PPP2R3B: variants seen among roughly 807,000 people sequenced by gnomAD.
PPP2R3B encodes the protein protein phosphatase 2 regulatory subunit B''beta.
PPP2R3B carries 68 observed loss-of-function variants against 72.9 expected under a neutral mutation model. That is an observed-to-expected ratio of 0.93 (90% CI 0.77 to 1.14). The LOEUF is 1.14. Among genes scored for constraint, PPP2R3B ranks in the 50% most tolerant of loss-of-function variants. The probability of loss-of-function intolerance (pLI) is 0.00; values close to 1 mark genes in which losing one functional copy is unlikely to be tolerated. For synonymous variants in PPP2R3B, 466 were observed against 375.8 expected (o/e 1.24, Z -2.78); for missense variants, 1,018 against 842.0 (o/e 1.21, Z -2.59).
chrX:377,955 G>A (rs1279708792), intron 1 of PPP2R3B, among the ~76,000 whole-genome samples: 1 of 132,526 alleles, frequency 7.5e-6, no homozygotes, highest in Non-Finnish European at 1.6e-5. Flanking sequence ...ACTACTGTAT[G>A]CAGGGACGGG....
At chrX:363,462 TCCCACAATGCATCTCCCC>T (rs1353915338) in intron 1 of PPP2R3B, among the ~76,000 whole-genome samples, 8 of 146,952 alleles carry the variant, frequency 5.4e-5, no homozygotes, top group African/African-American at 1.5e-4. Context: ...GAGCCCACCA[TCCCACAATGCATCTCCCC>T]GAGCCCAGCA....
rs2071049023 is a variant in PPP2R3B at position 340,882 on chromosome X, CGAACAT to C, written c.1228_1233del (p.Met410_Phe411del). 3 of 1,612,076 alleles carry C rather than the reference CGAACAT, an allele frequency of 1.9e-6. No individual in the cohort carries two copies. Among genetic ancestry groups the C allele is most frequent in the Non-Finnish European group, 2.5e-6 (3 of 1,179,672 alleles). Reference sequence around the variant, plus strand: ...TGCTCCTCGTAGAAGTACTCGAGCTCGAACATGGACAGGGCGCCGTCCCCGTCCAGG... The same window carrying C: ...TGCTCCTCGTAGAAGTACTCGAGCTCGGACAGGGCGCCGTCCCCGTCCAGG... On this transcript the variant is annotated inframe_deletion, in exon 10 of 13. Transcript: ENST00000390665.
At chrX:346,495 AGG>A (rs1450484556) in intron 5 of PPP2R3B, 1 of 629,264 alleles carries the variant, frequency 1.6e-6, no homozygotes, top group Admixed American at 3.1e-5. Context: ...ACAGGTGGGA[AGG>A]GGGTGCGGCC....
Position 347,611 on chromosome X carries a change from T to A in PPP2R3B, c.593A>T (p.Lys198Met). The change falls in exon 3 of 13, where the codon AAG becomes ATG. Residue 198 changes from lysine to methionine, a missense_variant. Physicochemically the swap from Lys to Met is moderately conservative, Grantham distance 95. Coordinates refer to ENST00000390665, the MANE Select transcript of PPP2R3B (RefSeq NM_013239.5). The stretch of plus-strand genomic sequence containing the variant: ...TCACTTTCTCCACATGGCGACGAAC[T>A]TGTGGACGGACACGGAGCCCGTGCG... The part of the protein sequence containing the change: ...GERTGSVSVH[K>M]FVAMWRKILQ... 1 of 1,580,532 alleles carries A rather than the reference T, an allele frequency of 6.3e-7. No homozygotes were observed. The highest frequency in any genetic ancestry group is 8.6e-7 in the Non-Finnish European group (1 of 1,162,680).
In PPP2R3B at chrX:334,397, T is replaced by G. The variant is rs1133530; in HGVS notation, c.1698A>C (p.Ala566=). 1.9e-5 allele frequency: 29 copies of G among 1,557,912 alleles called. No homozygotes were observed. The African/African-American group carries it at 3.5e-4, about 19-fold the overall frequency. Residue 566 remains alanine (A), a synonymous_variant, in exon 13 of 13, where the codon GCA becomes GCC. Coordinates refer to ENST00000390665, the MANE Select transcript of PPP2R3B (RefSeq NM_013239.5). ...GCGGCTCCAGGTCCTCGTCCCCGCATGCGTACTCGTACAGGTCCACGGCGC... is the reference window on the plus strand; with the variant it reads ...GCGGCTCCAGGTCCTCGTCCCCGCAGGCGTACTCGTACAGGTCCACGGCGC... ...PLGAVDLYEY[A]CGDEDLEPL
intron 2 of PPP2R3B, among the ~76,000 whole-genome samples, chrX:358,153 G>A (rs1465212739): frequency 2.6e-5 from 4 of 152,174 alleles, no homozygotes; most frequent in Admixed American, 6.5e-5. Flanking sequence ...CCCCTGGGCC[G>A]GGGGCCCGGC....
intron 2 of PPP2R3B, among the ~76,000 whole-genome samples, chrX:352,679 C>T (rs1354432760): frequency 2.0e-5 from 3 of 151,804 alleles, no homozygotes; most frequent in South Asian, 2.1e-4. Flanking sequence ...GAGGGGGACT[C>T]GCGAGGCAGA....
rs28696149 is a variant in PPP2R3B, at chrX:346,245, A to C, written c.808T>G (p.Phe270Val). Residue 270 changes from phenylalanine (F) to valine (V), a missense_variant, in exon 6 of 13, where the codon TTC becomes GTC. Transcript: ENST00000390665. ...RYITTVIQRI[F>V]YAVNRSWSGR... ...GACCAGGACCGGTTCACGGCGTAGA[A>C]GATCCGCTGGATGACCTGCGGGGGC... is the stretch of plus-strand genomic sequence containing the variant. 1.9e-6 allele frequency: 3 copies of C among 1,570,364 alleles called. No individual in the cohort carries two copies. The East Asian group carries it at 7.1e-5, about 37-fold the overall frequency.
intron 1 of PPP2R3B, among the ~76,000 whole-genome samples, chrX:381,048 C>G (rs1157922602): frequency 6.6e-6 from 1 of 151,872 alleles, no homozygotes; most frequent in Non-Finnish European, 1.5e-5. Context: ...CTGCCTCAGC[C>G]TCACAAGCAG....
chrX:369,825 C>T (rs1294358954), intron 1 of PPP2R3B, among the ~76,000 whole-genome samples: 1 of 152,252 alleles, frequency 6.6e-6, no homozygotes, highest in Non-Finnish European at 1.5e-5. Flanking sequence ...GGCTGCAACG[C>T]ACAGCCGTGC....
At position 386,534 on chromosome X, in the gene PPP2R3B, T is replaced by G. The variant is rs1366620361; in HGVS notation, c.158A>C (p.Glu53Ala). The change falls in exon 1 of 13, where the codon GAG (glutamate) becomes GCG (alanine). Residue 53 changes from glutamate (E) to alanine (A), a missense_variant. Coordinates refer to ENST00000390665, the MANE Select transcript of PPP2R3B (RefSeq NM_013239.5). Reference sequence around the variant, plus strand: ...GGCTGTGGGCCAGGCCCCGGGCTGCTCCCCGTCCCCCGGGGTCGGCTGGTC... The same window carrying G: ...GGCTGTGGGCCAGGCCCCGGGCTGCGCCCCGTCCCCCGGGGTCGGCTGGTC... ...GRDQPTPGDG[E>A]QPGAWPTAPL... 2 of 1,428,052 alleles carry G rather than the reference T, an allele frequency of 1.4e-6. No homozygotes were observed. Among genetic ancestry groups the G allele is most frequent in the African/African-American group, 1.5e-5 (1 of 66,984 alleles). 88.5% of individuals were successfully genotyped at this position (1,428,052 alleles called of 1,614,324 possible). A position where few individuals can be genotyped will look rare whatever the true frequency, so the allele number is the denominator to read the frequency against.
At chrX:372,981 C>T (rs912787487) in intron 1 of PPP2R3B, among the ~76,000 whole-genome samples, 1 of 152,056 alleles carries the variant, frequency 6.6e-6, no homozygotes, top group African/African-American at 2.4e-5. Context: ...TGAATAAAAC[C>T]ACGCTGCATA....
At chrX:349,846 C>T (rs1481059236) in intron 2 of PPP2R3B, among the ~76,000 whole-genome samples, 16 of 152,172 alleles carry the variant, frequency 1.1e-4, no homozygotes, top group African/African-American at 2.2e-4. Flanking sequence ...AAATCAAAGA[C>T]GACCTCAACG....
intron 10 of PPP2R3B, among the ~76,000 whole-genome samples, chrX:339,261 C>T (rs1180076121): frequency 1.1e-5 from 1 of 92,094 alleles, no homozygotes; most frequent in Non-Finnish European, 2.3e-5. Flanking sequence ...CAGCAGGAGG[C>T]GCCCCATGGC....
At chrX:382,238 C>T (rs1272057355) in intron 1 of PPP2R3B, among the ~76,000 whole-genome samples, 2 of 150,500 alleles carry the variant, frequency 1.3e-5, no homozygotes, top group Non-Finnish European at 3.0e-5. Context: ...ACTCTTGTCA[C>T]CCAGGCTGGA....
chrX:386,505 G>A lies in PPP2R3B; in HGVS notation c.187C>T (p.Leu63Phe), dbSNP rs770714593. 1.7e-4 allele frequency: 224 copies of A among 1,306,448 alleles called. No homozygotes were observed. Among genetic ancestry groups the A allele is most frequent in the Non-Finnish European group, 2.0e-4 (205 of 1,027,746 alleles). 80.9% of individuals were successfully genotyped at this position (1,306,448 alleles called of 1,614,324 possible). A position where few individuals can be genotyped will look rare whatever the true frequency, so the allele number is the denominator to read the frequency against. The change falls in exon 1 of 13, where the codon CTC (leucine) becomes TTC (phenylalanine). Residue 63 changes from leucine to phenylalanine, a missense_variant. Physicochemically the swap from Leu to Phe is conservative, Grantham distance 22. Coordinates refer to ENST00000390665, the MANE Select transcript of PPP2R3B (RefSeq NM_013239.5). Reference sequence around the variant, plus strand: ...AGCCCGCTGGGCCGGGGGGCGGCGAGCGGGGCTGTGGGCCAGGCCCCGGGC... The same window carrying A: ...AGCCCGCTGGGCCGGGGGGCGGCGAACGGGGCTGTGGGCCAGGCCCCGGGC... The part of the protein sequence containing the change: ...EQPGAWPTAP[L>F]AAPRPSGLEP...
rs185320120 is a variant in PPP2R3B, at chrX:382,680, A to G, written c.324+3688T>C. Among the ~76,000 whole-genome samples, 21 of 152,258 alleles carry G rather than the reference A, an allele frequency of 1.4e-4. No individual in the cohort carries two copies. In the East Asian group the frequency reaches 3.7e-3, roughly 27 times the overall value. On this transcript the variant is annotated intron_variant, in intron 1 of 12. Coordinates refer to ENST00000390665, the MANE Select transcript of PPP2R3B (RefSeq NM_013239.5). ...AGGCTTCTTGCCTGATTTACAGAAT[A>G]TATCATCCTCTCACATGCACCCAAA...
intron 1 of PPP2R3B, among the ~76,000 whole-genome samples, chrX:371,289 A>G (rs1217206194): frequency 1.3e-5 from 2 of 151,354 alleles, no homozygotes; most frequent in Non-Finnish European, 2.9e-5. Context: ...CGGTGAGAGT[A>G]CGTGTAACAC....
At chrX:351,225 C>T (rs952545337) in intron 2 of PPP2R3B, among the ~76,000 whole-genome samples, 7 of 152,156 alleles carry the variant, frequency 4.6e-5, no homozygotes, top group South Asian at 4.2e-4. Flanking sequence ...CCTGGAAGGG[C>T]GTCCCGGTGC....
Sources: gnomAD v4.1 joint callset for allele counts (sites outside exome capture counted in the v4.1 genomes callset) on GRCh38, gnomAD v4.1.1 for gene constraint, MANE v1.5 for transcripts, NCBI Gene and HGNC (gene_info 2026-07-23, HGNC 2026-07-21) for gene names.